The following RASSF6 variants were observed in gnomAD, a reference collection of about 807,000 sequenced individuals.
The protein encoded by RASSF6 is ras association domain-containing protein 6.
Under a neutral mutation model 44.0 loss-of-function variants are expected in RASSF6, and 52 were observed. The observed-to-expected ratio is 1.18, with a 90% CI of 0.95 to 1.49. The LOEUF (loss-of-function observed/expected upper bound fraction) is 1.49, where lower values mean the gene tolerates loss of function less well. Ranked by LOEUF, RASSF6 falls within the 40% of genes most tolerant of loss-of-function variation. The pLI, the probability that RASSF6 is intolerant of heterozygous loss-of-function variation, is 0.00. For synonymous variants in RASSF6, 162 were observed against 124.6 expected (o/e 1.30, Z -2.00); for missense variants, 464 against 393.3 (o/e 1.18, Z -1.52).
rs991995678 is a variant in RASSF6, at chr4:73,582,291, C to G, written c.568-1G>C. The G allele has an allele frequency of 1.3e-6, 2 of 1,512,048 alleles. No homozygotes were observed. Among genetic ancestry groups the G allele is most frequent in the African/African-American group, 2.8e-5 (2 of 72,526 alleles). The allele number at this position is 1,512,048 out of a possible 1,614,324, so 93.7% of individuals were successfully genotyped here. Reference sequence around the variant, plus strand: ...CAAAGGCTGGAATGAAAATTGATGTCTAGAAAAAGAATTGTCACATAAGTC... The same window carrying G: ...CAAAGGCTGGAATGAAAATTGATGTGTAGAAAAAGAATTGTCACATAAGTC... On this transcript the variant is annotated splice_acceptor_variant, in intron 6 of 10. Coordinates refer to ENST00000307439, the MANE Select transcript of RASSF6 (RefSeq NM_177532.5). LOFTEE classifies it high-confidence loss of function.
chr4:73,581,949 CT>C (rs1723685562), intron 7 of RASSF6, 81 bp from the exon 8 acceptor site: 1 of 1,005,846 alleles, frequency 9.9e-7, no homozygotes, highest in Admixed American at 2.1e-5. Context: ...CAAATCATGT[CT>C]GTTTTCTCTC....
chr4:73,596,624 A>G (rs1724959192), intron 3 of RASSF6, among the ~76,000 whole-genome samples: 2 of 152,222 alleles, frequency 1.3e-5, no homozygotes, highest in East Asian at 1.9e-4. Context: ...AGAAAAAACT[A>G]TTTTAAAATT....
intron 1 of RASSF6, among the ~76,000 whole-genome samples, chr4:73,618,470 A>T (rs1443891871): frequency 1.3e-5 from 2 of 152,174 alleles, no homozygotes; most frequent in Admixed American, 1.3e-4. Flanking sequence ...TATAAAGGCA[A>T]ATAACTTTGT....
chr4:73,612,170 C>T (rs1422459689), intron 1 of RASSF6, among the ~76,000 whole-genome samples: 2 of 152,026 alleles, frequency 1.3e-5, no homozygotes, highest in African/African-American at 4.8e-5. Context: ...TGAACCTTGC[C>T]CCAATCAGCA....
At chr4:73,598,154 A>C (rs2149384967) in intron 3 of RASSF6, among the ~76,000 whole-genome samples, 1 of 152,318 alleles carries the variant, frequency 6.6e-6, no homozygotes, top group East Asian at 1.9e-4. Context: ...GACTTTCCTG[A>C]ATTCTTTCTT....
At chr4:73,615,077 G>A (rs767762712) in intron 1 of RASSF6, among the ~76,000 whole-genome samples, 13 of 150,842 alleles carry the variant, frequency 8.6e-5, no homozygotes, top group Non-Finnish European at 1.9e-4. Flanking sequence ...TACCTGGGAG[G>A]CTGAGGCCCG....
chr4:73,595,350 T>A (rs1017305910), intron 3 of RASSF6, among the ~76,000 whole-genome samples: 10 of 152,184 alleles, frequency 6.6e-5, no homozygotes, highest in Admixed American at 2.6e-4. Context: ...TGCACCACCA[T>A]GCCTGGGTAA....
intron 2 of RASSF6, among the ~76,000 whole-genome samples, chr4:73,601,018 T>C (rs1340979798): frequency 1.3e-5 from 2 of 152,232 alleles, no homozygotes; most frequent in African/African-American, 2.4e-5. Context: ...ACTCCTGATA[T>C]GCTGAGCTGT....
intron 2 of RASSF6, 82 bp downstream of exon 2, chr4:73,611,649 C>T (rs371540163): frequency 1.3e-6 from 1 of 794,066 alleles, no homozygotes; most frequent in Non-Finnish European, 2.1e-6. Context: ...GTTGACCATA[C>T]ATCATGCTTA....
intron 3 of RASSF6, among the ~76,000 whole-genome samples, chr4:73,595,676 C>G (rs1012010058): frequency 2.1e-4 from 32 of 151,144 alleles, no homozygotes; most frequent in Admixed American, 6.6e-5. Context: ...CCTAGTTTTA[C>G]TCTTTTCCTA....
At chr4:73,602,066 A>G (rs1725312507) in intron 2 of RASSF6, among the ~76,000 whole-genome samples, 1 of 152,224 alleles carries the variant, frequency 6.6e-6, no homozygotes, top group Admixed American at 6.5e-5. Context: ...AACAACATGA[A>G]AAGGGACATG....
Position 73,618,140 on chromosome 4 carries a change from G to A in RASSF6, c.-35+2148C>T, listed in dbSNP as rs557489830. Among the ~76,000 whole-genome samples, 82 of 151,992 alleles carry A rather than the reference G, an allele frequency of 5.4e-4. No homozygotes were observed. The South Asian group carries it at 0.011, about 21-fold the overall frequency. On this transcript the variant is annotated intron_variant, in intron 1 of 10. Transcript: ENST00000307439. The stretch of plus-strand genomic sequence containing the variant: ...TATAACTGGAAAAGTTAATTTTTTC[G>A]TAATCATTGCTGGGTCTCTCTGTGT...
intron 5 of RASSF6, among the ~76,000 whole-genome samples, chr4:73,586,925 G>A (rs1291548906): frequency 7.2e-6 from 1 of 138,126 alleles, no homozygotes; most frequent in Non-Finnish European, 1.6e-5. Context: ...AAAAAAAAAA[G>A]AGAACAAACA....
At chr4:73,583,488 A>T (rs548482904) in intron 6 of RASSF6, among the ~76,000 whole-genome samples, 7 of 152,154 alleles carry the variant, frequency 4.6e-5, no homozygotes, top group Admixed American at 6.6e-5. Flanking sequence ...TATGTGTGTT[A>T]TTCATAGCCT....
chr4:73,591,385 T>A (rs544235470), intron 4 of RASSF6, among the ~76,000 whole-genome samples: 2 of 152,224 alleles, frequency 1.3e-5, no homozygotes, highest in Non-Finnish European at 2.9e-5. Context: ...TTTCCTTTAA[T>A]GTTTGATATT....
rs1404688790 is a variant in RASSF6 at position 73,575,462 on chromosome 4, G to A, written c.*773C>T. 1 of 151,520 alleles carries A rather than the reference G, an allele frequency of 6.6e-6. No homozygotes were observed. Among genetic ancestry groups the A allele is most frequent in the African/African-American group, 2.4e-5 (1 of 41,184 alleles). The allele number at this position is 151,520 out of a possible 1,614,324, so 9.4% of individuals were successfully genotyped here. A position where few individuals can be genotyped will look rare whatever the true frequency, so the allele number is the denominator to read the frequency against. On this transcript the variant is annotated 3_prime_UTR_variant, in exon 11 of 11. Transcript: ENST00000307439. ...ATTCAGCAACAAATAGGTATTTGTG[G>A]GCCAAGTCTTACTTTAGCCGATGTA...
At chr4:73,620,247 G>T in intron 1 of RASSF6, 41 bp downstream of exon 1, 1 of 1,290,264 alleles carries the variant, frequency 7.8e-7, no homozygotes, top group Non-Finnish European at 1.0e-6. Flanking sequence ...TGACCCCAGG[G>T]AGTGGATTAG....
At chr4:73,619,836 A>G (rs1232374761) in intron 1 of RASSF6, among the ~76,000 whole-genome samples, 1 of 152,058 alleles carries the variant, frequency 6.6e-6, no homozygotes, top group Non-Finnish European at 1.5e-5. Context: ...TTGCAGAAAC[A>G]AATAAAAGTT....
intron 8 of RASSF6, among the ~76,000 whole-genome samples, chr4:73,577,362 C>T (rs1218468794): frequency 1.3e-5 from 2 of 152,150 alleles, no homozygotes; most frequent in Non-Finnish European, 2.9e-5. Flanking sequence ...ACTCCTGCTA[C>T]AAAAGTACTT....
Sources: allele counts gnomAD v4.1 joint callset (sites outside exome capture counted in the v4.1 genomes callset), GRCh38; gene constraint gnomAD v4.1.1; transcripts MANE v1.5; gene names NCBI Gene and HGNC (gene_info 2026-07-23, HGNC 2026-07-21).